The following NECAB1 variants were observed in gnomAD, a reference collection of about 807,000 sequenced individuals.
NECAB1 encodes the protein N-terminal EF-hand calcium-binding protein 1.
A neutral mutation model predicts 57.5 loss-of-function variants in NECAB1; 29 were observed. The ratio of observed to expected loss-of-function variants is 0.50; its 90% CI spans 0.38 to 0.69. NECAB1 has a LOEUF of 0.69. NECAB1 is among the 30% of genes least tolerant of loss of function. The pLI is 0.00. For synonymous variants in NECAB1, 142 were observed against 147.7 expected (o/e 0.96, Z 0.28); for missense variants, 372 against 413.8 (o/e 0.90, Z 0.88).
In NECAB1 at chr8:90,893,888, T is replaced by C. The variant is rs559661635; in HGVS notation, c.357+12758T>C. ...TTATAGTCAACATCAACTATTCTCA[T>C]GGTTGGATTTTTTTCTTCAGTTCAT... On this transcript the variant is annotated intron_variant, in intron 5 of 12. Transcript: ENST00000417640. Among the ~76,000 whole-genome samples the C allele has an allele frequency of 2.0e-5, 3 of 152,118 alleles. No homozygotes were observed. In the South Asian group the frequency reaches 6.2e-4, roughly 31 times the overall value.
intron 1 of NECAB1, among the ~76,000 whole-genome samples, chr8:90,800,041 C>T (rs1182540232): frequency 6.6e-6 from 1 of 152,042 alleles, no homozygotes; most frequent in East Asian, 1.9e-4. Context: ...AAATGTATTC[C>T]TAGGTATTTT....
rs1443524626 is a variant in NECAB1 at position 90,956,979 on chromosome 8, T to C, written c.*1467T>C. On this transcript the variant is annotated 3_prime_UTR_variant, in exon 13 of 13. Coordinates refer to ENST00000417640, the MANE Select transcript of NECAB1 (RefSeq NM_022351.5). ...GTGTGTGTGTGTGTGTGTGTGTGTG[T>C]GTGTGTATTTGTGTGCCTCTGGTCA... The C allele has an allele frequency of 1.3e-5, 2 of 151,430 alleles. No individual in the cohort carries two copies. The highest frequency in any genetic ancestry group is 4.9e-5 in the African/African-American group (2 of 41,176). 9.4% of individuals were successfully genotyped at this position (151,430 alleles called of 1,614,324 possible). A position where few individuals can be genotyped will look rare whatever the true frequency, so the allele number is the denominator to read the frequency against.
chr8:90,928,150 C>T, intron 7 of NECAB1, 73 bp from the exon 8 acceptor site: 1 of 1,141,160 alleles, frequency 8.8e-7, no homozygotes, highest in African/African-American at 1.6e-5. Context: ...TGAAGGAAAG[C>T]TCTGATATAA....
At chr8:90,938,790 C>T in intron 9 of NECAB1, among the ~76,000 whole-genome samples, 1 of 152,152 alleles carries the variant, frequency 6.6e-6, no homozygotes. Flanking sequence ...AGTGAATGAT[C>T]AGTTAGGTAT....
At chr8:90,852,521 G>A (rs1002094837) in intron 3 of NECAB1, among the ~76,000 whole-genome samples, 4 of 152,138 alleles carry the variant, frequency 2.6e-5, no homozygotes, top group Admixed American at 1.3e-4. Flanking sequence ...CCCAAAATGA[G>A]AACCTACATC....
At chr8:90,799,313 T>C (rs1264362498) in intron 1 of NECAB1, among the ~76,000 whole-genome samples, 1 of 152,196 alleles carries the variant, frequency 6.6e-6, no homozygotes, top group Non-Finnish European at 1.5e-5. Context: ...AGGTCCCACT[T>C]GTCAATTTTT....
chr8:90,834,961 T>C (rs187122922), intron 3 of NECAB1, among the ~76,000 whole-genome samples: 23 of 151,608 alleles, frequency 1.5e-4, no homozygotes, highest in Non-Finnish European at 1.5e-5. Flanking sequence ...CATCTATATG[T>C]CTCATGAAAG....
intron 9 of NECAB1, among the ~76,000 whole-genome samples, chr8:90,939,573 G>A (rs1476224173): frequency 6.6e-6 from 1 of 152,142 alleles, no homozygotes; most frequent in Admixed American, 6.5e-5. Flanking sequence ...TATCTCATTA[G>A]GAAAGCCCAT....
At chr8:90,857,820 T>C (rs1381345516) in intron 3 of NECAB1, among the ~76,000 whole-genome samples, 4 of 152,150 alleles carry the variant, frequency 2.6e-5, no homozygotes, top group Non-Finnish European at 5.9e-5. Context: ...GTGAAAATTA[T>C]TCAATTCTCA....
intron 2 of NECAB1, among the ~76,000 whole-genome samples, chr8:90,814,621 T>C (rs1287840321): frequency 6.6e-6 from 1 of 152,172 alleles, no homozygotes; most frequent in Non-Finnish European, 1.5e-5. Flanking sequence ...TCAATTTGTT[T>C]TGTTCTTCAA....
At chr8:90,861,802 T>C (rs1808391467) in intron 3 of NECAB1, among the ~76,000 whole-genome samples, 1 of 152,174 alleles carries the variant, frequency 6.6e-6, no homozygotes, top group African/African-American at 2.4e-5. Flanking sequence ...ATCACACATC[T>C]GGTAAATGGG....
chr8:90,833,623 C>G lies in NECAB1; in HGVS notation c.233+8798C>G, dbSNP rs184946459. 3.6e-4 allele frequency among the ~76,000 whole-genome samples: 55 copies of G among 152,246 alleles called. No homozygotes were observed. The East Asian group carries it at 5.2e-3, about 14-fold the overall frequency. On this transcript the variant is annotated intron_variant, in intron 3 of 12. Transcript: ENST00000417640. ...TACTGCTCAAAATAAAAATTGTCTACTGAGGAAGCTAGATGAATGATTTAT... is the reference window on the plus strand; with the variant it reads ...TACTGCTCAAAATAAAAATTGTCTAGTGAGGAAGCTAGATGAATGATTTAT...
chr8:90,881,416 C>T (rs1808834280), intron 5 of NECAB1, among the ~76,000 whole-genome samples: 2 of 152,122 alleles, frequency 1.3e-5, no homozygotes, highest in African/African-American at 4.8e-5. Flanking sequence ...TGGATCTTGT[C>T]CCTCCCCAAA....
intron 5 of NECAB1, among the ~76,000 whole-genome samples, chr8:90,895,055 G>T (rs928971323): frequency 6.6e-6 from 1 of 152,184 alleles, no homozygotes; most frequent in African/African-American, 2.4e-5. Flanking sequence ...CTGAGTGATT[G>T]ACTAAGCTGC....
chr8:90,814,771 A>G (rs1442153320), intron 2 of NECAB1, among the ~76,000 whole-genome samples: 2 of 152,066 alleles, frequency 1.3e-5, no homozygotes, highest in Non-Finnish European at 2.9e-5. Context: ...TCTCTACTCC[A>G]GTCCTAGAAA....
chr8:90,843,045 C>T (rs1324504871), intron 3 of NECAB1, among the ~76,000 whole-genome samples: 1 of 152,106 alleles, frequency 6.6e-6, no homozygotes, highest in Non-Finnish European at 1.5e-5. Flanking sequence ...GGGGAGGCCT[C>T]CCAGTCATGG....
intron 5 of NECAB1, among the ~76,000 whole-genome samples, chr8:90,906,891 A>ATATATATATATATG (rs371995508): frequency 8.8e-5 from 10 of 113,412 alleles, no homozygotes; most frequent in African/African-American, 3.6e-4. Context: ...ATATATATAT[A>ATATATATATATATG]TATATATATA....
chr8:90,954,676 C>A (rs1810986025), intron 12 of NECAB1, among the ~76,000 whole-genome samples: 1 of 151,580 alleles, frequency 6.6e-6, no homozygotes, highest in African/African-American at 2.4e-5. Flanking sequence ...TTTTAACATA[C>A]AGATATACTA....
At chr8:90,910,268 T>G (rs1021806996) in intron 5 of NECAB1, among the ~76,000 whole-genome samples, 1 of 152,158 alleles carries the variant, frequency 6.6e-6, no homozygotes, top group Non-Finnish European at 1.5e-5. Flanking sequence ...GGGTCTGTTT[T>G]GTCATCTTGT....
Sources: gnomAD v4.1 joint callset for allele counts (sites outside exome capture counted in the v4.1 genomes callset) on GRCh38, gnomAD v4.1.1 for gene constraint, MANE v1.5 for transcripts, NCBI Gene and HGNC (gene_info 2026-07-23, HGNC 2026-07-21) for gene names.